Variants in DSG1 observed in about 807,000 individuals in gnomAD.
DSG1 encodes desmoglein-1.
DSG1 carries 39 observed loss-of-function variants against 97.5 expected under a neutral mutation model. The observed-to-expected ratio is 0.40, with a 90% CI of 0.31 to 0.52. DSG1 has a LOEUF of 0.52. DSG1 is among the 20% of genes least tolerant of loss of function. DSG1 has a pLI of 0.53. For missense variants in DSG1, 1,311 were observed against 1,295.4 expected (o/e 1.01, Z -0.18); for synonymous variants, 475 against 443.4 (o/e 1.07, Z -0.90).
In DSG1 at chr18:31,318,206, T is replaced by C; in HGVS notation, c.-95T>C. On this transcript the variant is annotated 5_prime_UTR_variant, in exon 1 of 15. Transcript: ENST00000257192. ...TGTAAGAACATCTACTGAGAAATTA[T>C]TTTAATCAGACACCAGCTGAGTGGG... The C allele has an allele frequency of 9.0e-7, 1 of 1,117,034 alleles. No individual in the cohort carries two copies. The highest frequency in any genetic ancestry group is 1.4e-6 in the Non-Finnish European group (1 of 727,924). The allele number at this position is 1,117,034 out of a possible 1,614,324, so 69.2% of individuals were successfully genotyped here. A position where few individuals can be genotyped will look rare whatever the true frequency, so the allele number is the denominator to read the frequency against.
Position 31,334,177 on chromosome 18 carries a change from A to G in DSG1, c.980A>G (p.Asn327Ser). Residue 327 changes from asparagine (N) to serine (S), a missense_variant, in exon 8 of 15, where the codon AAT (asparagine) becomes AGT (serine). Physicochemically the swap from Asn to Ser is conservative, Grantham distance 46 (BLOSUM62 1). Around this residue, in one of 3 missense-constraint regions of DSG1, gnomAD observed 1,038 missense variants for 964.6 expected, o/e 1.08. Coordinates refer to ENST00000257192, the MANE Select transcript of DSG1 (RefSeq NM_001942.4). ...WFEIEMNERT[N>S]VGILKVVKPL... Reference sequence around the variant, plus strand: ...GAGATAGAAATGAATGAAAGAACAAATGTGGGAATTTTAAAGGTTGTTAAG... The same window carrying G: ...GAGATAGAAATGAATGAAAGAACAAGTGTGGGAATTTTAAAGGTTGTTAAG... The G allele has an allele frequency of 6.2e-7, 1 of 1,605,518 alleles. No homozygotes were observed. The highest frequency in any genetic ancestry group is 8.5e-7 in the Non-Finnish European group (1 of 1,172,708).
Position 31,354,674 on chromosome 18 carries a change from T to G in DSG1, c.2478T>G (p.Ile826Met). 1 of 1,614,086 alleles carries G rather than the reference T, an allele frequency of 6.2e-7. No homozygotes were observed. Among genetic ancestry groups the G allele is most frequent in the Non-Finnish European group, 8.5e-7 (1 of 1,180,012 alleles). The change falls in exon 15 of 15, where the codon ATT becomes ATG. Residue 826 changes from isoleucine (I) to methionine (M), a missense_variant. Ile to Met is a conservative substitution (Grantham distance 10). Around this residue, in one of 3 missense-constraint regions of DSG1, gnomAD observed 1,038 missense variants for 964.6 expected, o/e 1.08. Transcript: ENST00000257192. The part of the protein sequence containing the change: ...SGPGVLHPKP[I>M]LDPLGYGNVT... ...CTGGTGTACTGCATCCTAAGCCTAT[T>G]CTCGATCCTCTGGGCTATGGTAATG...
rs768911425 is a variant in DSG1, at chr18:31,327,036, A to C, written c.216+31A>C. On this transcript the variant is annotated intron_variant, in intron 3 of 14. Transcript: ENST00000257192. ...TATCAACTCCAAAGCATAACATTGA[A>C]AATCAGAATGGATAAAGTTTCAAAA... 5.6e-6 allele frequency: 9 copies of C among 1,613,230 alleles called. 1 individual carries two copies. Among genetic ancestry groups the C allele is most frequent in the Middle Eastern group, 1.7e-4 (1 of 6,058 alleles).
Position 31,334,343 on chromosome 18 carries a change from A to T in DSG1, c.1005+141A>T, listed in dbSNP as rs527249390. 82 of 588,450 alleles carry T rather than the reference A, an allele frequency of 1.4e-4. No homozygotes were observed. In the African/African-American group the frequency reaches 1.4e-3, roughly 10 times the overall value. The allele number at this position is 588,450 out of a possible 1,614,324, so 36.5% of individuals were successfully genotyped here. A position where few individuals can be genotyped will look rare whatever the true frequency, so the allele number is the denominator to read the frequency against. On this transcript the variant is annotated intron_variant, in intron 8 of 14. Transcript: ENST00000257192. ...ACTGTGTTTTAAATATATATATAAC[A>T]TAGAGCTTTTTAATATAGTCTTTCT...
intron 11 of DSG1, among the ~76,000 whole-genome samples, chr18:31,341,944 G>GT (rs34696462): frequency 4.6e-4 from 69 of 149,128 alleles, no homozygotes; most frequent in South Asian, 2.3e-3. Context: ...TTGTTTTTTT[G>GT]TTTTTTTTTG....
At chr18:31,330,701 A>G (rs1410574700) in intron 5 of DSG1, among the ~76,000 whole-genome samples, 1 of 152,152 alleles carries the variant, frequency 6.6e-6, no homozygotes, top group African/African-American at 2.4e-5. Context: ...TTATGTAAAC[A>G]TAAATCACAT....
Position 31,355,176 on chromosome 18 carries a change from G to A in DSG1, c.2980G>A (p.Ala994Thr). 2 of 1,604,534 alleles carry A rather than the reference G, an allele frequency of 1.2e-6. No homozygotes were observed. The highest frequency in any genetic ancestry group is 1.1e-5 in the South Asian group (1 of 89,438). ...MGAGSGALSG[A>T]GISGGGIGLS... ...TGCTGGGAGCGGTGCCCTGAGTGGA[G>A]CTGGCATAAGTGGTGGTGGCATTGG... The change falls in exon 15 of 15, where the codon GCT (alanine) becomes ACT (threonine). Residue 994 changes from alanine (A) to threonine (T), a missense_variant. Ala to Thr is a moderately conservative substitution (Grantham distance 58, BLOSUM62 0). Coordinates refer to ENST00000257192, the MANE Select transcript of DSG1 (RefSeq NM_001942.4).
intron 14 of DSG1, among the ~76,000 whole-genome samples, chr18:31,353,718 G>A (rs1426037855): frequency 6.6e-6 from 1 of 152,170 alleles, no homozygotes; most frequent in Non-Finnish European, 1.5e-5. Flanking sequence ...ATTCGGGTGG[G>A]AGTGACCCGA....
At chr18:31,332,423 A>C (rs2071726856) in intron 6 of DSG1, among the ~76,000 whole-genome samples, 1 of 152,200 alleles carries the variant, frequency 6.6e-6, no homozygotes, top group South Asian at 2.1e-4. Flanking sequence ...AGAATGATGG[A>C]TAGGAATTAA....
chr18:31,329,854 G>C, intron 4 of DSG1, 38 bp from the exon 5 acceptor site: 1 of 1,607,330 alleles, frequency 6.2e-7, no homozygotes, highest in East Asian at 2.2e-5. Context: ...TAATAAATCT[G>C]TGTTTCACTG....
chr18:31,343,386 A>T, intron 11 of DSG1, 64 bp from the exon 12 acceptor site: 1 of 1,600,832 alleles, frequency 6.2e-7, no homozygotes, highest in Non-Finnish European at 8.6e-7. Flanking sequence ...ATAAAAAATC[A>T]GGTTGTTTTG....
At chr18:31,323,928 T>A (rs982312959) in intron 1 of DSG1, among the ~76,000 whole-genome samples, 5 of 151,806 alleles carry the variant, frequency 3.3e-5, no homozygotes, top group Non-Finnish European at 1.5e-5. Flanking sequence ...ATTTTCCTAT[T>A]GTTTCTTTCG....
In DSG1 at chr18:31,355,299, G is replaced by T. The variant is rs1357568445; in HGVS notation, c.3103G>T (p.Ala1035Ser). The change falls in exon 15 of 15, where the codon GCT becomes TCT. Residue 1035 changes from alanine (A) to serine (S), a missense_variant. Physicochemically the swap from Ala to Ser is moderately conservative, Grantham distance 99. This residue lies in a region of DSG1 where 1,038 missense variants were observed against 964.6 expected (regional missense o/e 1.08). Transcript: ENST00000257192. ...CATTGGGTCCGCCTCCCCTAGCACAGCTCGAAGTCGAATCACAAAGTATAG... is the reference window on the plus strand; with the variant it reads ...CATTGGGTCCGCCTCCCCTAGCACATCTCGAAGTCGAATCACAAAGTATAG... ...QTIGSASPST[A>S]RSRITKYSTV... 6.2e-7 allele frequency: 1 copy of T among 1,614,216 alleles called. No individual in the cohort carries two copies. Among genetic ancestry groups the T allele is most frequent in the African/African-American group, 1.3e-5 (1 of 75,058 alleles).
At chr18:31,329,646 G>T (rs773081343) in intron 4 of DSG1, among the ~76,000 whole-genome samples, 2 of 151,468 alleles carry the variant, frequency 1.3e-5, no homozygotes, top group African/African-American at 2.4e-5. Context: ...ACTTAGGGAC[G>T]CTTCAAATAC....
rs2144102469 is a variant in DSG1, at chr18:31,339,897, C to T, written c.1559C>T (p.Thr520Ile). The change falls in exon 11 of 15, where the codon ACT becomes ATT. Residue 520 changes from threonine (T) to isoleucine (I), a missense_variant. Coordinates refer to ENST00000257192, the MANE Select transcript of DSG1 (RefSeq NM_001942.4). ...TCCACTAACTATGATACCAGCACAA[C>T]TTCTACTGACTCTAGCCAAGTATAT... ...TSSTNYDTST[T>I]STDSSQVYSS... 2 of 1,614,082 alleles carry T rather than the reference C, an allele frequency of 1.2e-6. No homozygotes were observed. The highest frequency in any genetic ancestry group is 2.2e-5 in the East Asian group (1 of 44,858).
intron 10 of DSG1, 96 bp downstream of exon 10, chr18:31,338,550 T>C: frequency 1.4e-6 from 2 of 1,398,974 alleles, no homozygotes; most frequent in Non-Finnish European, 2.0e-6. Context: ...AGTAACCCCT[T>C]TCCAACAAAA....
At chr18:31,325,844 T>C (rs964928867) in intron 1 of DSG1, among the ~76,000 whole-genome samples, 2 of 152,196 alleles carry the variant, frequency 1.3e-5, no homozygotes, top group African/African-American at 4.8e-5. Flanking sequence ...TATTTAGCCA[T>C]AGGTTAATAT....
In DSG1 at chr18:31,354,763, A is replaced by G. The variant is rs940886309; in HGVS notation, c.2567A>G (p.Asn856Ser). 5.0e-6 allele frequency: 8 copies of G among 1,614,042 alleles called. No homozygotes were observed. In the South Asian group the frequency reaches 5.5e-5, roughly 11 times the overall value. ...AAGCCCTCTGTGCACGTTCACGATA[A>G]CCGACCAGCATCAAACGTGGTAGTG... The part of the protein sequence containing the change: ...TLKPSVHVHD[N>S]RPASNVVVTE... The change falls in exon 15 of 15, where the codon AAC becomes AGC. Residue 856 changes from asparagine (N) to serine (S), a missense_variant. Around this residue, in one of 3 missense-constraint regions of DSG1, gnomAD observed 1,038 missense variants for 964.6 expected, o/e 1.08. Coordinates refer to ENST00000257192, the MANE Select transcript of DSG1 (RefSeq NM_001942.4).
chr18:31,349,452 C>T (rs568713709), intron 14 of DSG1, among the ~76,000 whole-genome samples: 1 of 151,134 alleles, frequency 6.6e-6, no homozygotes, highest in South Asian at 2.1e-4. Flanking sequence ...GATGCGGGCT[C>T]CTTTTTTGGT....
Sources: gnomAD v4.1 joint callset for allele counts (sites outside exome capture counted in the v4.1 genomes callset) on GRCh38, gnomAD v4.1.1 for gene constraint, gnomAD v4.1.1 regional missense constraint, MANE v1.5 for transcripts, NCBI Gene and HGNC (gene_info 2026-07-23, HGNC 2026-07-21) for gene names.